Variants in CDIN1 observed in about 807,000 individuals in gnomAD.
CDIN1 encodes the protein CDAN1 interacting nuclease 1.
CDIN1 carries 33 observed loss-of-function variants against 45.3 expected under a neutral mutation model. The ratio of observed to expected loss-of-function variants is 0.73; its 90% CI spans 0.55 to 0.97. The LOEUF is 0.97. Among genes scored for constraint, CDIN1 ranks in the 50% least tolerant of loss-of-function variants. The pLI is 0.00. For synonymous variants in CDIN1, 118 were observed against 124.4 expected (o/e 0.95, Z 0.34); for missense variants, 303 against 339.4 (o/e 0.89, Z 0.84).
At chr15:36,657,628 G>C (rs948984061) in intron 4 of CDIN1, among the ~76,000 whole-genome samples, 1 of 151,926 alleles carries the variant, frequency 6.6e-6, no homozygotes, top group African/African-American at 2.4e-5. Context: ...CAATAAATTT[G>C]ACCCATTTAT....
At position 36,701,129 on chromosome 15, in the gene CDIN1, GATAGA is replaced by G. The variant is rs1566912650; in HGVS notation, c.544+3740_544+3744del. 1.1e-3 allele frequency among the ~76,000 whole-genome samples: 107 copies of G among 96,406 alleles called. 1 individual carries two copies. Among genetic ancestry groups the G allele is most frequent in the African/African-American group, 2.7e-3 (70 of 25,582 alleles). 63.2% of individuals were successfully genotyped at this position (96,406 alleles called of 152,430 possible). A position where few individuals can be genotyped will look rare whatever the true frequency, so the allele number is the denominator to read the frequency against. The stretch of plus-strand genomic sequence containing the variant: ...AGATAGATAGATAGGTAGGTAGATA[GATAGA>G]TAGATAGATAGATAGATAGATAGAT... On this transcript the variant is annotated intron_variant, in intron 8 of 10. Coordinates refer to ENST00000566621, the MANE Select transcript of CDIN1 (RefSeq NM_001321759.2).
chr15:36,659,417 G>A (rs977582539), intron 5 of CDIN1, among the ~76,000 whole-genome samples: 1 of 152,046 alleles, frequency 6.6e-6, no homozygotes, highest in Non-Finnish European at 1.5e-5. Context: ...GAATACACTG[G>A]AGAAGGACAT....
At chr15:36,728,625 A>G (rs1261315133) in intron 10 of CDIN1, among the ~76,000 whole-genome samples, 5 of 150,894 alleles carry the variant, frequency 3.3e-5, no homozygotes, top group Non-Finnish European at 7.4e-5. Flanking sequence ...TGCTAAAATT[A>G]CCAGAAATAA....
At chr15:36,661,030 A>G (rs1261474383) in intron 5 of CDIN1, among the ~76,000 whole-genome samples, 1 of 152,148 alleles carries the variant, frequency 6.6e-6, no homozygotes, top group East Asian at 1.9e-4. Flanking sequence ...GTGGCCTCGG[A>G]ATCACCCAGG....
intron 10 of CDIN1, among the ~76,000 whole-genome samples, chr15:36,800,909 G>GTATGTATATATATATATATA (rs1555410946): frequency 1.3e-4 from 3 of 22,390 alleles, no homozygotes; most frequent in Non-Finnish European, 3.5e-4. Context: ...GTGTGTGTGT[G>GTATGTATATATATATATATA]TATATATATA....
At chr15:36,777,505 G>A (rs1421060315) in intron 10 of CDIN1, among the ~76,000 whole-genome samples, 3 of 151,898 alleles carry the variant, frequency 2.0e-5, no homozygotes, top group Admixed American at 6.6e-5. Flanking sequence ...AGCTGTCAAG[G>A]CCACACACAG....
intron 1 of CDIN1, among the ~76,000 whole-genome samples, chr15:36,632,562 C>T (rs2039722806): frequency 6.6e-6 from 1 of 151,766 alleles, no homozygotes; most frequent in South Asian, 2.1e-4. Flanking sequence ...CAGTTCCTCC[C>T]CTTGCCCTAC....
chr15:36,583,787 C>T (rs891293077), intron 1 of CDIN1, among the ~76,000 whole-genome samples: 1 of 152,158 alleles, frequency 6.6e-6, no homozygotes, highest in Non-Finnish European at 1.5e-5. Context: ...GAGGCTGAGG[C>T]GGGCAGATCA....
chr15:36,762,099 T>C (rs1028331078), intron 10 of CDIN1, among the ~76,000 whole-genome samples: 2 of 152,138 alleles, frequency 1.3e-5, no homozygotes, highest in Non-Finnish European at 2.9e-5. Context: ...ATTAAAAATG[T>C]TCAAACTCTA....
chr15:36,741,952 G>A (rs10152432), intron 10 of CDIN1, among the ~76,000 whole-genome samples: 273 of 152,240 alleles, frequency 1.8e-3, no homozygotes, highest in African/African-American at 5.9e-3. Flanking sequence ...GGCTGTCTCC[G>A]TGGTTTGGGT....
chr15:36,676,644 C>T (rs1227301442), intron 5 of CDIN1, among the ~76,000 whole-genome samples: 3 of 152,104 alleles, frequency 2.0e-5, no homozygotes, highest in Non-Finnish European at 1.5e-5. Context: ...TTTCTGGATA[C>T]CCCAGTAAAT....
Position 36,647,839 on chromosome 15 carries a change from A to AT in CDIN1, c.212+2570dup, listed in dbSNP as rs11288490. ...GAAAATTAAGCATATTTGTGATAGT[A>AT]TTTTTTTTTTTTTTTTTTGAGACGG... On this transcript the variant is annotated intron_variant, in intron 3 of 10. Transcript: ENST00000566621. Among the ~76,000 whole-genome samples, 927 of 100,430 alleles carry AT rather than the reference A, an allele frequency of 9.2e-3. 16 individuals are homozygous for AT. Among genetic ancestry groups the AT allele is most frequent in the African/African-American group, 0.033 (870 of 26,424 alleles). The allele number at this position is 100,430 out of a possible 152,430, so 65.9% of individuals were successfully genotyped here.
At chr15:36,716,131 C>T (rs2043208096) in intron 10 of CDIN1, among the ~76,000 whole-genome samples, 1 of 152,116 alleles carries the variant, frequency 6.6e-6, no homozygotes, top group African/African-American at 2.4e-5. Context: ...TATAGTTTCT[C>T]TGGCTAGAAA....
intron 10 of CDIN1, among the ~76,000 whole-genome samples, chr15:36,807,044 C>T (rs1251900198): frequency 6.6e-6 from 1 of 152,178 alleles, no homozygotes; most frequent in Non-Finnish European, 1.5e-5. Context: ...AAGTGATGAG[C>T]TGCCATCTCA....
chr15:36,707,193 A>G (rs558615166), intron 8 of CDIN1: 1 of 152,328 alleles, frequency 6.6e-6, no homozygotes, highest in African/African-American at 2.4e-5. Context: ...TATAAAAACT[A>G]GAAGTCTAAT....
chr15:36,761,564 G>A (rs1049243694), intron 10 of CDIN1, among the ~76,000 whole-genome samples: 7 of 152,138 alleles, frequency 4.6e-5, no homozygotes, highest in South Asian at 2.1e-4. Flanking sequence ...TCAAGGAGGC[G>A]CTGTCATGGA....
At chr15:36,645,450 G>A (rs1198148742) in intron 3 of CDIN1, among the ~76,000 whole-genome samples, 163 bp downstream of exon 3, 1 of 150,606 alleles carries the variant, frequency 6.6e-6, no homozygotes, top group Non-Finnish European at 1.5e-5. Context: ...GTTTTCAAAT[G>A]CTTTGTTTTG....
At chr15:36,770,344 AAAGG>A (rs1157146410) in intron 10 of CDIN1, among the ~76,000 whole-genome samples, 1 of 151,924 alleles carries the variant, frequency 6.6e-6, no homozygotes, top group African/African-American at 2.4e-5. Context: ...GGGAGAATAC[AAAGG>A]AAGGAGGGAG....
At chr15:36,637,382 A>C (rs1363590133) in intron 1 of CDIN1, among the ~76,000 whole-genome samples, 2 of 152,222 alleles carry the variant, frequency 1.3e-5, no homozygotes, top group Non-Finnish European at 2.9e-5. Context: ...AAAATAAAAG[A>C]ATAAATTGGA....
Sources: gnomAD v4.1 joint callset for allele counts (sites outside exome capture counted in the v4.1 genomes callset) on GRCh38, gnomAD v4.1.1 for gene constraint, MANE v1.5 for transcripts, NCBI Gene and HGNC (gene_info 2026-07-23, HGNC 2026-07-21) for gene names.